The following HAO1 variants were observed in gnomAD, a reference collection of about 807,000 sequenced individuals.
The protein encoded by HAO1 is 2-Hydroxyacid oxidase 1.
In HAO1, 34 loss-of-function variants were observed where a neutral mutation model predicts 39.7. The observed-to-expected ratio is 0.86, with a 90% CI of 0.65 to 1.14. The LOEUF (loss-of-function observed/expected upper bound fraction) is 1.14, where lower values mean the gene tolerates loss of function less well. Among genes scored for constraint, HAO1 ranks in the 50% most tolerant of loss-of-function variants. HAO1 has a pLI of 0.00. For missense variants in HAO1, 479 were observed against 464.5 expected (o/e 1.03, Z -0.29); for synonymous variants, 172 against 173.2 (o/e 0.99, Z 0.05).
At chr20:7,916,350 G>C (rs947683877) in intron 2 of HAO1, among the ~76,000 whole-genome samples, 2 of 152,136 alleles carry the variant, frequency 1.3e-5, no homozygotes, top group Non-Finnish European at 2.9e-5. Flanking sequence ...ACTCATCTGT[G>C]TGCCTACCAT....
rs530502028 is a variant in HAO1 at position 7,926,826 on chromosome 20, C to T, written c.289+7658G>A. Among the ~76,000 whole-genome samples, 27 of 151,670 alleles carry T rather than the reference C, an allele frequency of 1.8e-4. 1 individual carries two copies. Among genetic ancestry groups the T allele is most frequent in the African/African-American group, 6.5e-4 (27 of 41,418 alleles). On this transcript the variant is annotated intron_variant, in intron 2 of 7. Coordinates refer to ENST00000378789, the MANE Select transcript of HAO1 (RefSeq NM_017545.3). ...GGCCCATCAAATCCAGTGTGGTAGC[C>T]TCTAATTGCATCCAGGGGCTGGAAT...
At chr20:7,931,964 T>C (rs2050387837) in intron 2 of HAO1, among the ~76,000 whole-genome samples, 1 of 152,164 alleles carries the variant, frequency 6.6e-6, no homozygotes, top group Admixed American at 6.5e-5. Flanking sequence ...TGGTTAGGCT[T>C]TGTTTCTCCA....
At chr20:7,896,763 A>G (rs2050199741) in intron 4 of HAO1, among the ~76,000 whole-genome samples, 2 of 152,120 alleles carry the variant, frequency 1.3e-5, no homozygotes, top group Admixed American at 1.3e-4. Context: ...ACTTCAGAAT[A>G]TTATCCAGTT....
In HAO1 at chr20:7,883,367, T is replaced by C. The variant is rs1244124857; in HGVS notation, c.*226A>G. 6 of 548,134 alleles carry C rather than the reference T, an allele frequency of 1.1e-5. No individual in the cohort carries two copies. The highest frequency in any genetic ancestry group is 2.9e-5 in the East Asian group (1 of 34,508). 34.0% of individuals were successfully genotyped at this position (548,134 alleles called of 1,614,324 possible). A position where few individuals can be genotyped will look rare whatever the true frequency, so the allele number is the denominator to read the frequency against. On this transcript the variant is annotated 3_prime_UTR_variant, in exon 8 of 8. Coordinates refer to ENST00000378789, the MANE Select transcript of HAO1 (RefSeq NM_017545.3). ...TCAATGTTTTCTTTTTAACAGTTAA[T>C]ATATTTCCAGGATGAAAGTCCATTT...
chr20:7,919,718 C>A (rs1222266997), intron 2 of HAO1, among the ~76,000 whole-genome samples: 1 of 152,066 alleles, frequency 6.6e-6, no homozygotes, highest in African/African-American at 2.4e-5. Flanking sequence ...ATCTCTGAAG[C>A]CATGCAATTG....
intron 2 of HAO1, among the ~76,000 whole-genome samples, chr20:7,925,598 T>C (rs1407957943): frequency 6.6e-6 from 1 of 152,180 alleles, no homozygotes; most frequent in Non-Finnish European, 1.5e-5. Flanking sequence ...ATGGAGACCA[T>C]AACACAGTGA....
chr20:7,903,220 G>A (rs1326967844), intron 4 of HAO1, among the ~76,000 whole-genome samples: 2 of 151,560 alleles, frequency 1.3e-5, no homozygotes, highest in African/African-American at 4.8e-5. Flanking sequence ...CAGAAAAGTA[G>A]ACGATGTAAA....
At chr20:7,918,044 T>C (rs192100991) in intron 2 of HAO1, among the ~76,000 whole-genome samples, 866 of 152,328 alleles carry the variant, frequency 5.7e-3, no homozygotes, top group Admixed American at 8.1e-3. Flanking sequence ...AAATCATACA[T>C]GGCTGAAATT....
At chr20:7,927,485 A>C (rs1301262938) in intron 2 of HAO1, among the ~76,000 whole-genome samples, 1 of 152,180 alleles carries the variant, frequency 6.6e-6, no homozygotes, top group Non-Finnish European at 1.5e-5. Flanking sequence ...CAACTATTAA[A>C]ATGTTGATTA....
chr20:7,897,817 C>T (rs1429492994), intron 4 of HAO1, among the ~76,000 whole-genome samples: 3 of 151,922 alleles, frequency 2.0e-5, no homozygotes, highest in Non-Finnish European at 4.4e-5. Flanking sequence ...TCTGATATGC[C>T]TAGTGATGCT....
chr20:7,931,744 GCTTTCTTTTCTT>G (rs2050386693), intron 2 of HAO1, among the ~76,000 whole-genome samples: 1 of 152,096 alleles, frequency 6.6e-6, no homozygotes, highest in Non-Finnish European at 1.5e-5. Context: ...TTCTAAGGAA[GCTTTCTTTTCTT>G]CTTTCTTCTC....
rs933191074 is a variant in HAO1 at position 7,914,102 on chromosome 20, C to T, written c.545+62G>A. On this transcript the variant is annotated intron_variant, in intron 3 of 7. Transcript: ENST00000378789. ...AACGTTGCTATCAGTAGAACCCAGA[C>T]CCTAACATTCCCAGTCAAGATCCCT... is the stretch of plus-strand genomic sequence containing the variant. 5 of 1,584,740 alleles carry T rather than the reference C, an allele frequency of 3.2e-6. No homozygotes were observed. In the African/African-American group the frequency reaches 4.0e-5, roughly 13 times the overall value.
intron 4 of HAO1, among the ~76,000 whole-genome samples, chr20:7,901,633 C>T (rs1037111048): frequency 3.3e-5 from 5 of 152,186 alleles, no homozygotes; most frequent in Non-Finnish European, 7.3e-5. Flanking sequence ...GTTTTTATGC[C>T]TGTTAACACA....
chr20:7,893,821 G>A (rs13041645), intron 5 of HAO1, among the ~76,000 whole-genome samples: 153 of 152,250 alleles, frequency 1.0e-3, no homozygotes, highest in Non-Finnish European at 1.6e-3. Context: ...CTGGCTCTGC[G>A]TGAATTAAAC....
intron 1 of HAO1, among the ~76,000 whole-genome samples, chr20:7,937,234 C>T (rs1787986053): frequency 6.6e-6 from 1 of 152,080 alleles, no homozygotes; most frequent in South Asian, 2.1e-4. Flanking sequence ...GACACCCATG[C>T]CTCACCCAGC....
rs548588454 is a variant in HAO1, at chr20:7,917,916, C to T, written c.290-3497G>A. On this transcript the variant is annotated intron_variant, in intron 2 of 7. Coordinates refer to ENST00000378789, the MANE Select transcript of HAO1 (RefSeq NM_017545.3). ...CTTCACAAACATTTTACCCAAATCA[C>T]TTGGGTATGCATATTTAGAGAGAAG... Among the ~76,000 whole-genome samples, 31 of 152,304 alleles carry T rather than the reference C, an allele frequency of 2.0e-4. No individual in the cohort carries two copies. The South Asian group carries it at 6.0e-3, about 30-fold the overall frequency.
rs373454999 is a variant in HAO1 at position 7,883,607 on chromosome 20, C to T, written c.1099G>A (p.Val367Ile). ...KTLVRKNPLA[V>I]SKI Reference sequence around the variant, plus strand: ...ATTGTGCACTGTCAGATCTTGGAAACGGCCAAAGGATTTTTCCTCACCAAT... The same window carrying T: ...ATTGTGCACTGTCAGATCTTGGAAATGGCCAAAGGATTTTTCCTCACCAAT... Residue 367 changes from valine to isoleucine, a missense_variant, in exon 8 of 8, where the codon GTT becomes ATT. Coordinates refer to ENST00000378789, the MANE Select transcript of HAO1 (RefSeq NM_017545.3). The T allele has an allele frequency of 3.5e-5, 56 of 1,612,110 alleles. No individual in the cohort carries two copies. Among genetic ancestry groups the T allele is most frequent in the Middle Eastern group, 1.6e-4 (1 of 6,078 alleles).
At chr20:7,887,530 G>A (rs761263765) in intron 5 of HAO1, among the ~76,000 whole-genome samples, 18 of 152,116 alleles carry the variant, frequency 1.2e-4, no homozygotes, top group Admixed American at 2.0e-4. Flanking sequence ...TGCCAAACAT[G>A]CTTTGGATCT....
intron 2 of HAO1, among the ~76,000 whole-genome samples, chr20:7,924,214 G>A (rs1276694159): frequency 1.3e-5 from 2 of 151,236 alleles, no homozygotes; most frequent in Non-Finnish European, 3.0e-5. Flanking sequence ...TGTTGTTGTT[G>A]TTGTTGTTGT....
Sources: gnomAD v4.1 joint callset for allele counts (sites outside exome capture counted in the v4.1 genomes callset) on GRCh38, gnomAD v4.1.1 for gene constraint, MANE v1.5 for transcripts, NCBI Gene and HGNC (gene_info 2026-07-23, HGNC 2026-07-21) for gene names.